The following TBCD variants were observed in gnomAD, a reference collection of about 807,000 sequenced individuals.
The protein encoded by TBCD is tubulin-specific chaperone D.
In TBCD, 105 loss-of-function variants were observed where a neutral mutation model predicts 169.3. The observed-to-expected ratio is 0.62, with a 90% confidence interval of 0.53 to 0.73. The LOEUF is 0.73. Among genes scored for constraint, TBCD ranks in the 30% least tolerant of loss-of-function variants. The probability of loss-of-function intolerance (pLI) is 0.00; values close to 1 mark genes in which losing one functional copy is unlikely to be tolerated. For synonymous variants in TBCD, 700 were observed against 643.9 expected (o/e 1.09, Z -1.32); for missense variants, 1,444 against 1,600.1 (o/e 0.90, Z 1.66).
In TBCD at chr17:82,789,176, C is replaced by T. The variant is rs2049518878; in HGVS notation, c.771+7455C>T. On this transcript the variant is annotated intron_variant, in intron 7 of 38. Transcript: ENST00000355528. This position sits in a 1 kb window ranked among gnomAD's most constrained non-coding sequence, Gnocchi z 4.8. ...TTTGGGTGAAACGAGGTACCCCAGG[C>T]CACGCTGGTTCGGTCTCCTCGTGGC... Among the ~76,000 whole-genome samples the T allele has an allele frequency of 6.6e-6, 1 of 152,198 alleles. No homozygotes were observed. Among genetic ancestry groups the T allele is most frequent in the Admixed American group, 6.5e-5 (1 of 15,286 alleles).
intron 7 of TBCD, among the ~76,000 whole-genome samples, chr17:82,787,354 G>A (rs1056428517): frequency 6.6e-6 from 1 of 152,260 alleles, no homozygotes; most frequent in Non-Finnish European, 1.5e-5. Context: ...AACGCCTGGC[G>A]GGGCCGGGCT....
intron 16 of TBCD, 79 bp from the exon 17 acceptor site, chr17:82,893,468 G>A: frequency 8.7e-7 from 1 of 1,148,642 alleles, no homozygotes; most frequent in Non-Finnish European, 1.3e-6. Context: ...AAATGTCTGT[G>A]GATGTGATTA....
chr17:82,760,805 G>A (rs557101161), intron 2 of TBCD, among the ~76,000 whole-genome samples: 2 of 152,240 alleles, frequency 1.3e-5, no homozygotes, highest in African/African-American at 2.4e-5. Context: ...CTCTGCTTCC[G>A]CAGTAACCAC....
At chr17:82,761,133 T>A (rs2047732964) in intron 2 of TBCD, among the ~76,000 whole-genome samples, 1 of 152,100 alleles carries the variant, frequency 6.6e-6, no homozygotes, top group Non-Finnish European at 1.5e-5. Context: ...CTGGCCAATT[T>A]TTGTATTCTG....
intron 23 of TBCD, among the ~76,000 whole-genome samples, chr17:82,918,111 C>T (rs12942419): frequency 0.063 from 9,535 of 152,264 alleles, 395 homozygotes; most frequent in Non-Finnish European, 0.094. Flanking sequence ...ATGCTTCCTC[C>T]GCGGTGACTC....
chr17:82,887,168 T>TGTGTGTGTGTGTGTGCGCGCGCGCGC, intron 15 of TBCD, among the ~76,000 whole-genome samples: 104 of 126,140 alleles, frequency 8.2e-4, no homozygotes, highest in South Asian at 1.8e-3. Flanking sequence ...TGTGTGTGTG[T>TGTGTGTGTGTGTGTGCGCGCGCGCGC]GCGCGCGCGC....
At chr17:82,779,049 G>C (rs1000150059) in intron 6 of TBCD, among the ~76,000 whole-genome samples, 1 of 148,602 alleles carries the variant, frequency 6.7e-6, no homozygotes, top group Non-Finnish European at 1.5e-5. Flanking sequence ...GTCTTGCTCT[G>C]TTGCTAGGCT....
At chr17:82,886,435 G>A (rs1312151100) in intron 15 of TBCD, among the ~76,000 whole-genome samples, 2 of 151,798 alleles carry the variant, frequency 1.3e-5, no homozygotes, top group African/African-American at 2.4e-5. Context: ...GTAGAGATGG[G>A]GTGTGGTCGT....
chr17:82,817,046 AAG>A (rs2051976766), intron 13 of TBCD, among the ~76,000 whole-genome samples: 1 of 152,180 alleles, frequency 6.6e-6, no homozygotes, highest in Non-Finnish European at 1.5e-5. Context: ...TGTTGTAAGT[AAG>A]AGTTTTTTTA....
Position 82,939,329 on chromosome 17 carries a change from C to T in TBCD, c.3370-38C>T, listed in dbSNP as rs76063931. ...TCGTCTCTCCGGGGTGGGGCGGTGG[C>T]GCTTCCCTCCGGCAAATGCACTGCA... On this transcript the variant is annotated intron_variant, in intron 36 of 38. Coordinates refer to ENST00000355528, the MANE Select transcript of TBCD (RefSeq NM_005993.5). 10,940 of 1,544,038 alleles carry T rather than the reference C, an allele frequency of 7.1e-3. 49 individuals are homozygous for T. Among genetic ancestry groups the T allele is most frequent in the Middle Eastern group, 9.4e-3 (56 of 5,946 alleles).
At chr17:82,807,914 A>G (rs1430476160) in intron 11 of TBCD, among the ~76,000 whole-genome samples, 1 of 152,170 alleles carries the variant, frequency 6.6e-6, no homozygotes, top group African/African-American at 2.4e-5. Context: ...TTACCTGTTT[A>G]TCTTCAAAAT....
In TBCD at chr17:82,781,736, C is replaced by T. The variant is rs2048960644; in HGVS notation, c.771+15C>T. The T allele has an allele frequency of 3.7e-6, 6 of 1,612,822 alleles. No homozygotes were observed. The East Asian group carries it at 1.3e-4, about 36-fold the overall frequency. On this transcript the variant is annotated intron_variant, in intron 7 of 38. Coordinates refer to ENST00000355528, the MANE Select transcript of TBCD (RefSeq NM_005993.5). ...TGCAGGCCCTGGTAAGTGCTGCCCG[C>T]AGGGGCTGTGGAGATCGCAGGGAAA...
At chr17:82,821,987 G>A (rs768876697) in intron 13 of TBCD, among the ~76,000 whole-genome samples, 2 of 152,202 alleles carry the variant, frequency 1.3e-5, no homozygotes, top group African/African-American at 2.4e-5. Context: ...TGGAGCACAC[G>A]CTCTCAGTGT....
intron 2 of TBCD, among the ~76,000 whole-genome samples, chr17:82,756,800 A>G (rs559023496): frequency 5.3e-5 from 8 of 152,088 alleles, no homozygotes; most frequent in Non-Finnish European, 1.0e-4. Flanking sequence ...TTTAGTTTAC[A>G]TTAGTTTATT....
At chr17:82,937,515 C>T in intron 35 of TBCD, 155 bp downstream of exon 35, 1 of 691,560 alleles carries the variant, frequency 1.4e-6, no homozygotes, top group Non-Finnish European at 2.4e-6. Flanking sequence ...AAAGCAGTCG[C>T]AATGGGAGGT....
chr17:82,899,390 G>A (rs181850087), intron 17 of TBCD, among the ~76,000 whole-genome samples: 9 of 120,650 alleles, frequency 7.5e-5, no homozygotes, highest in Non-Finnish European at 1.5e-4. Flanking sequence ...TCCTCAGCAC[G>A]CGTGTCCTCA....
In TBCD at chr17:82,864,410, GCT is replaced by G. The variant is rs942019484; in HGVS notation, c.1319-5811_1319-5810del. 9 of 152,248 alleles carry G rather than the reference GCT, an allele frequency of 5.9e-5. No homozygotes were observed. The highest frequency in any genetic ancestry group is 1.9e-4 in the African/African-American group (8 of 41,450). The allele number at this position is 152,248 out of a possible 1,614,324, so 9.4% of individuals were successfully genotyped here. A position where few individuals can be genotyped will look rare whatever the true frequency, so the allele number is the denominator to read the frequency against. The stretch of plus-strand genomic sequence containing the variant: ...GCCTTTCACAGCAGGGACGTTCTGT[GCT>G]CTTATTTTAACAACTGTAAGAATCT... On this transcript the variant is annotated intron_variant, in intron 13 of 38. Coordinates refer to ENST00000355528, the MANE Select transcript of TBCD (RefSeq NM_005993.5). The surrounding 1 kb of genome is among the most constrained non-coding windows in gnomAD (Gnocchi z 6.3).
intron 34 of TBCD, among the ~76,000 whole-genome samples, chr17:82,936,109 T>G (rs1046326313): frequency 6.6e-6 from 1 of 152,202 alleles, no homozygotes; most frequent in Non-Finnish European, 1.5e-5. Context: ...CCAGGTTTGC[T>G]CCTTCCCTGG....
intron 13 of TBCD, among the ~76,000 whole-genome samples, chr17:82,853,702 G>A (rs1243636753): frequency 6.6e-6 from 1 of 152,074 alleles, no homozygotes; most frequent in East Asian, 1.9e-4. Flanking sequence ...ACTGTTAATG[G>A]CCCCAGCTTT....
Sources: allele counts gnomAD v4.1 joint callset (sites outside exome capture counted in the v4.1 genomes callset), GRCh38; gene constraint gnomAD v4.1.1; non-coding constraint Gnocchi (gnomAD v3.1); transcripts MANE v1.5; gene names NCBI Gene and HGNC (gene_info 2026-07-23, HGNC 2026-07-21).